LGSN: variants seen among roughly 807,000 people sequenced by gnomAD.
LGSN encodes lengsin, lens protein with glutamine synthetase domain.
In LGSN, 21 loss-of-function variants were observed where a neutral mutation model predicts 19.5. The observed-to-expected ratio is 1.07, with a 90% confidence interval of 0.76 to 1.55. The LOEUF (loss-of-function observed/expected upper bound fraction) is 1.55, where lower values mean the gene tolerates loss of function less well. LGSN is among the 40% of genes most tolerant of loss of function. The probability of loss-of-function intolerance (pLI) is 0.00; values close to 1 mark genes in which losing one functional copy is unlikely to be tolerated. For synonymous variants in LGSN, 257 were observed against 215.6 expected (o/e 1.19, Z -1.68); for missense variants, 673 against 608.5 (o/e 1.11, Z -1.12).
At chr6:63,357,247 G>A in the LGSN span, among the ~76,000 whole-genome samples, 1 of 152,060 alleles carries the variant, frequency 6.6e-6, no homozygotes, top group African/African-American at 2.4e-5. Context: ...GGACATTTGG[G>A]CTGGTTCCAA....
At chr6:63,356,988 C>A in the LGSN span, among the ~76,000 whole-genome samples, 1 of 119,834 alleles carries the variant, frequency 8.3e-6, no homozygotes, top group Admixed American at 9.3e-5. Context: ...CCCCTCCCCC[C>A]ACCCCACAAC....
Position 63,294,898 on chromosome 6 carries a change from A to AG in LGSN, c.163+14dup. On this transcript the variant is annotated intron_variant, in intron 2 of 3. Coordinates refer to ENST00000370657, the MANE Select transcript of LGSN (RefSeq NM_016571.3). ...CTGACCACACCATTTTTGAGGACTC[A>AG]GAGTAGTTAGATACCATTTGAATTG... 1.2e-6 allele frequency: 2 copies of AG among 1,613,470 alleles called. No individual in the cohort carries two copies. The highest frequency in any genetic ancestry group is 1.7e-6 in the Non-Finnish European group (2 of 1,179,608).
chr6:63,545,766 A>C, the LGSN span, among the ~76,000 whole-genome samples: 3 of 152,200 alleles, frequency 2.0e-5, no homozygotes, highest in Non-Finnish European at 4.4e-5. Context: ...ACGTGCTCAA[A>C]ATTCAATCCA....
the LGSN span, among the ~76,000 whole-genome samples, chr6:63,413,889 T>C: frequency 1.3e-5 from 2 of 152,214 alleles, no homozygotes; most frequent in Non-Finnish European, 2.9e-5. Flanking sequence ...CTTTCATGTG[T>C]ATATATATAA....
chr6:63,308,659 C>T (rs1768497860), intron 1 of LGSN, among the ~76,000 whole-genome samples: 1 of 151,332 alleles, frequency 6.6e-6, no homozygotes, highest in South Asian at 2.1e-4. Context: ...AGTTATAGTC[C>T]GAGGTGTAGG....
the LGSN span, among the ~76,000 whole-genome samples, chr6:63,560,769 G>C: frequency 8.5e-5 from 13 of 152,112 alleles, no homozygotes; most frequent in African/African-American, 3.1e-4. Context: ...CGCTGTAAAA[G>C]TTTTTAAATG....
At chr6:63,559,998 A>G in the LGSN span, among the ~76,000 whole-genome samples, 3 of 152,226 alleles carry the variant, frequency 2.0e-5, no homozygotes, top group Non-Finnish European at 4.4e-5. Flanking sequence ...GTGGAAGATC[A>G]CGGAATGGCC....
the LGSN span, among the ~76,000 whole-genome samples, chr6:63,561,995 T>C: frequency 2.6e-5 from 4 of 152,144 alleles, no homozygotes; most frequent in South Asian, 4.1e-4. Flanking sequence ...AAGAGTATCA[T>C]TTTTGGAAAA....
the LGSN span, among the ~76,000 whole-genome samples, chr6:63,495,501 C>G: frequency 2.4e-5 from 3 of 124,482 alleles, no homozygotes; most frequent in African/African-American, 9.9e-5. Context: ...GTCTGTAGCA[C>G]AGGCTGGAGT....
At chr6:63,284,937 A>G (rs989544318) in intron 3 of LGSN, among the ~76,000 whole-genome samples, 1 of 152,208 alleles carries the variant, frequency 6.6e-6, no homozygotes, top group Non-Finnish European at 1.5e-5. Context: ...ACTTTCTTAA[A>G]TAGTACCGAC....
chr6:63,458,615 CA>C, the LGSN span, among the ~76,000 whole-genome samples: 135 of 152,132 alleles, frequency 8.9e-4, 1 homozygote, highest in Non-Finnish European at 9.7e-4. Flanking sequence ...GAAAGTTACC[CA>C]AACATTCTCG....
chr6:63,500,848 C>T, the LGSN span, among the ~76,000 whole-genome samples: 1 of 152,112 alleles, frequency 6.6e-6, no homozygotes, highest in Non-Finnish European at 1.5e-5. Flanking sequence ...CTGCCTTAGC[C>T]TATTGAGTAA....
At chr6:63,553,572 G>T in the LGSN span, among the ~76,000 whole-genome samples, 18 of 152,304 alleles carry the variant, frequency 1.2e-4, no homozygotes, top group East Asian at 3.3e-3. Context: ...TGTCAGCCTT[G>T]CCTGGACATT....
the LGSN span, among the ~76,000 whole-genome samples, chr6:63,357,287 G>A: frequency 1.3e-5 from 2 of 152,098 alleles, no homozygotes; most frequent in Non-Finnish European, 2.9e-5. Flanking sequence ...CTGCCTCAGT[G>A]AACATATGTG....
At chr6:63,529,163 GTA>G in the LGSN span, among the ~76,000 whole-genome samples, 63,066 of 136,912 alleles carry the variant, frequency 0.46, 15,554 homozygotes, top group African/African-American at 0.54. Context: ...ATATATGTGT[GTA>G]TATATATATA....
At chr6:63,326,518 G>A in the LGSN span, among the ~76,000 whole-genome samples, 4 of 152,234 alleles carry the variant, frequency 2.6e-5, no homozygotes, top group African/African-American at 9.6e-5. Context: ...TTGTTGAGGA[G>A]GCTTGGGCCG....
chr6:63,405,802 C>A, the LGSN span, among the ~76,000 whole-genome samples: 1 of 152,052 alleles, frequency 6.6e-6, no homozygotes, highest in Non-Finnish European at 1.5e-5. Flanking sequence ...CAGAGACACA[C>A]ATAGGCTCAA....
the LGSN span, among the ~76,000 whole-genome samples, chr6:63,517,285 G>A: frequency 6.6e-6 from 1 of 152,092 alleles, no homozygotes; most frequent in Non-Finnish European, 1.5e-5. Context: ...TTTCTCCTGA[G>A]AAGCAATTTT....
At chr6:63,350,481 T>A in the LGSN span, among the ~76,000 whole-genome samples, 1 of 152,218 alleles carries the variant, frequency 6.6e-6, no homozygotes, top group Non-Finnish European at 1.5e-5. Context: ...GATTTAAAAT[T>A]TTTTACTTTA....
Sources: allele counts gnomAD v4.1 joint callset (sites outside exome capture counted in the v4.1 genomes callset), GRCh38; gene constraint gnomAD v4.1.1; transcripts MANE v1.5; gene names NCBI Gene and HGNC (gene_info 2026-07-23, HGNC 2026-07-21).